ME1: variants seen among roughly 807,000 people sequenced by gnomAD.
ME1 encodes NADP-dependent malic enzyme.
ME1 carries 74 observed loss-of-function variants against 66.4 expected under a neutral mutation model. That is an observed-to-expected ratio of 1.11 (90% CI 0.92 to 1.35). The LOEUF (loss-of-function observed/expected upper bound fraction) is 1.35, where lower values mean the gene tolerates loss of function less well. ME1 is among the 40% of genes most tolerant of loss of function. The pLI, the probability that ME1 is intolerant of heterozygous loss-of-function variation, is 0.00. For synonymous variants in ME1, 251 were observed against 235.6 expected (o/e 1.07, Z -0.60); for missense variants, 750 against 694.1 (o/e 1.08, Z -0.90).
In ME1 at chr6:83,263,740, G is replaced by T. The variant is rs547624748; in HGVS notation, c.705-10002C>A. On this transcript the variant is annotated intron_variant, in intron 6 of 13. Coordinates refer to ENST00000369705, the MANE Select transcript of ME1 (RefSeq NM_002395.6). ...TGATCCGTGAAGTTTAAGGAAAACAGCTGTCAACATAACATAACATAACAT... is the reference window on the plus strand; with the variant it reads ...TGATCCGTGAAGTTTAAGGAAAACATCTGTCAACATAACATAACATAACAT... 1.7e-4 allele frequency among the ~76,000 whole-genome samples: 25 copies of T among 150,674 alleles called. No homozygotes were observed. The South Asian group carries it at 5.1e-3, about 31-fold the overall frequency.
chr6:83,301,301 CTTCT>C (rs1165136786), intron 6 of ME1, among the ~76,000 whole-genome samples: 172 of 146,194 alleles, frequency 1.2e-3, no homozygotes, highest in Non-Finnish European at 9.9e-4. Context: ...CCTTTCTTTC[CTTCT>C]TTCTTTCTTT....
intron 6 of ME1, among the ~76,000 whole-genome samples, chr6:83,310,188 A>G (rs979058297): frequency 2.0e-5 from 3 of 152,094 alleles, no homozygotes; most frequent in African/African-American, 7.2e-5. Flanking sequence ...GAGTCGTTTC[A>G]CCACAGACCA....
At chr6:83,251,366 G>C (rs987068397) in intron 7 of ME1, among the ~76,000 whole-genome samples, 1 of 151,724 alleles carries the variant, frequency 6.6e-6, no homozygotes, top group Non-Finnish European at 1.5e-5. Flanking sequence ...GCAGTGGCAC[G>C]CACCTGTAAT....
chr6:83,238,946 G>T (rs945041849), intron 8 of ME1, among the ~76,000 whole-genome samples: 10 of 151,446 alleles, frequency 6.6e-5, no homozygotes, highest in Non-Finnish European at 1.0e-4. Flanking sequence ...ATTATTACAG[G>T]AGTCTAGTTT....
intron 5 of ME1, among the ~76,000 whole-genome samples, chr6:83,322,979 G>A (rs1042103758): frequency 8.5e-5 from 13 of 152,194 alleles, no homozygotes; most frequent in Non-Finnish European, 1.3e-4. Flanking sequence ...CTGCAAGCCC[G>A]AAGAGAGTGG....
At chr6:83,253,189 A>G (rs1790753137) in intron 7 of ME1, among the ~76,000 whole-genome samples, 1 of 152,176 alleles carries the variant, frequency 6.6e-6, no homozygotes, top group East Asian at 1.9e-4. Context: ...AGCTTAGACA[A>G]AAGCAGGTAG....
chr6:83,302,342 T>A (rs1332487126), intron 6 of ME1, among the ~76,000 whole-genome samples: 2 of 151,490 alleles, frequency 1.3e-5, no homozygotes, highest in South Asian at 2.1e-4. Context: ...AAAAAAAAAA[T>A]AACTAACGAG....
intron 5 of ME1, among the ~76,000 whole-genome samples, chr6:83,316,506 T>C (rs1163985856): frequency 1.3e-5 from 2 of 151,924 alleles, no homozygotes; most frequent in South Asian, 2.1e-4. Flanking sequence ...TCACTTACGA[T>C]AGGGAACAAG....
chr6:83,368,426 G>A (rs1361847149), intron 3 of ME1, among the ~76,000 whole-genome samples: 1 of 151,750 alleles, frequency 6.6e-6, no homozygotes, highest in Non-Finnish European at 1.5e-5. Flanking sequence ...AAAATTAAAC[G>A]AGGCATGCTT....
intron 3 of ME1, among the ~76,000 whole-genome samples, chr6:83,396,111 G>A (rs1769726357): frequency 6.6e-6 from 1 of 151,956 alleles, no homozygotes; most frequent in South Asian, 2.1e-4. Flanking sequence ...CTGTACTTTG[G>A]GAGGCATTTT....
chr6:83,341,686 C>T (rs1768588549), intron 5 of ME1, among the ~76,000 whole-genome samples: 4 of 152,012 alleles, frequency 2.6e-5, no homozygotes, highest in African/African-American at 7.2e-5. Context: ...AAGAATGAGG[C>T]AGGAGAATAG....
In ME1 at chr6:83,257,985, C is replaced by A. The variant is rs145849892; in HGVS notation, c.705-4247G>T. Among the ~76,000 whole-genome samples the A allele has an allele frequency of 3.6e-4, 55 of 152,202 alleles. 1 individual carries two copies. The highest frequency in any genetic ancestry group is 1.3e-3 in the African/African-American group (53 of 41,536). ...TCAGTATGTGAGGAGGAATCAGAGC[C>A]TTCTCAATTCTATTCCCGGATCTAC... On this transcript the variant is annotated intron_variant, in intron 6 of 13. Coordinates refer to ENST00000369705, the MANE Select transcript of ME1 (RefSeq NM_002395.6).
At chr6:83,307,056 G>A (rs1767837717) in intron 6 of ME1, among the ~76,000 whole-genome samples, 1 of 152,208 alleles carries the variant, frequency 6.6e-6, no homozygotes, top group Non-Finnish European at 1.5e-5. Flanking sequence ...GCTTCTCCAA[G>A]GTTGGACTGG....
intron 3 of ME1, among the ~76,000 whole-genome samples, chr6:83,373,705 G>A (rs754805208): frequency 2.0e-5 from 3 of 151,870 alleles, no homozygotes; most frequent in Non-Finnish European, 4.4e-5. Flanking sequence ...TGCATCTATC[G>A]ACCTGTCATC....
chr6:83,359,319 G>A (rs569535418), intron 3 of ME1, among the ~76,000 whole-genome samples: 21 of 152,310 alleles, frequency 1.4e-4, no homozygotes, highest in Admixed American at 1.4e-3. Flanking sequence ...CTAGAAGTGA[G>A]GTTGAAAGTG....
At position 83,228,757 on chromosome 6, in the gene ME1, A is replaced by G. The variant is rs185448831; in HGVS notation, c.1132+69T>C. The stretch of plus-strand genomic sequence containing the variant: ...AAAAAGGCTAAATTATACCTCAAAA[A>G]TTGGTAGTAAAAAAAACAATCAGGT... On this transcript the variant is annotated intron_variant, in intron 10 of 13. Coordinates refer to ENST00000369705, the MANE Select transcript of ME1 (RefSeq NM_002395.6). The G allele has an allele frequency of 2.3e-4, 241 of 1,027,392 alleles. 1 individual carries two copies. The highest frequency in any genetic ancestry group is 2.8e-4 in the Admixed American group (12 of 43,282). 63.6% of individuals were successfully genotyped at this position (1,027,392 alleles called of 1,614,324 possible).
At chr6:83,222,754 G>A (rs1251837368) in intron 12 of ME1, among the ~76,000 whole-genome samples, 1 of 152,136 alleles carries the variant, frequency 6.6e-6, no homozygotes, top group Admixed American at 6.5e-5. Flanking sequence ...CTTTGTCTCT[G>A]ACCTAAGAGT....
chr6:83,313,655 A>G (rs556119640), intron 6 of ME1, among the ~76,000 whole-genome samples: 14 of 152,298 alleles, frequency 9.2e-5, no homozygotes, highest in African/African-American at 3.4e-4. Context: ...TCTCTTGATT[A>G]ATGTTGCTAC....
chr6:83,401,752 C>A (rs1769845421), intron 2 of ME1, among the ~76,000 whole-genome samples: 1 of 152,148 alleles, frequency 6.6e-6, no homozygotes, highest in Admixed American at 6.6e-5. Context: ...CTCACCAAGG[C>A]CAACCTGGCT....
Sources: gnomAD v4.1 joint callset for allele counts (sites outside exome capture counted in the v4.1 genomes callset) on GRCh38, gnomAD v4.1.1 for gene constraint, MANE v1.5 for transcripts, NCBI Gene and HGNC (gene_info 2026-07-23, HGNC 2026-07-21) for gene names.